Variants in LHFPL6 observed in about 807,000 individuals in gnomAD.
LHFPL6 encodes the protein LHFPL tetraspan subfamily member 6 protein.
In LHFPL6, 9 loss-of-function variants were observed where a neutral mutation model predicts 20.6. The ratio of observed to expected loss-of-function variants is 0.44; its 90% CI spans 0.26 to 0.76. LHFPL6 has a LOEUF of 0.76. Ranked by LOEUF, LHFPL6 falls within the 30% of genes least tolerant of loss-of-function variation. The probability of loss-of-function intolerance (pLI) is 0.20; values close to 1 mark genes in which losing one functional copy is unlikely to be tolerated. For missense variants in LHFPL6, 218 were observed against 253.5 expected (o/e 0.86, Z 0.95); for synonymous variants, 105 against 98.7 (o/e 1.06, Z -0.38).
At chr13:39,379,003 A>G (rs1274181623) in intron 2 of LHFPL6, among the ~76,000 whole-genome samples, 3 of 152,164 alleles carry the variant, frequency 2.0e-5, no homozygotes, top group African/African-American at 7.2e-5. Flanking sequence ...AAAGAGTTTC[A>G]TGAATGGCCT....
chr13:39,452,812 C>T (rs1872485452), intron 2 of LHFPL6, among the ~76,000 whole-genome samples: 1 of 152,252 alleles, frequency 6.6e-6, no homozygotes, highest in Non-Finnish European at 1.5e-5. Context: ...GGGACAGCCA[C>T]TCCATTTAAA....
intron 2 of LHFPL6, among the ~76,000 whole-genome samples, chr13:39,419,690 T>G (rs1871431919): frequency 6.6e-6 from 1 of 152,184 alleles, no homozygotes; most frequent in Admixed American, 6.5e-5. Flanking sequence ...TGAAGAAATT[T>G]TTTTAAAAAA....
At chr13:39,439,186 A>G (rs1250294285) in intron 2 of LHFPL6, among the ~76,000 whole-genome samples, 1 of 152,222 alleles carries the variant, frequency 6.6e-6, no homozygotes, top group Non-Finnish European at 1.5e-5. Context: ...CACCCATTGC[A>G]CCAGTGTGCC....
intron 2 of LHFPL6, among the ~76,000 whole-genome samples, chr13:39,463,906 T>A (rs1238011947): frequency 6.6e-6 from 1 of 152,176 alleles, no homozygotes; most frequent in Non-Finnish European, 1.5e-5. Flanking sequence ...TTTCTAGATA[T>A]GCAAATTGAG....
chr13:39,494,331 C>A (rs1304102208), intron 2 of LHFPL6, among the ~76,000 whole-genome samples: 1 of 152,198 alleles, frequency 6.6e-6, no homozygotes, highest in Admixed American at 6.5e-5. Flanking sequence ...CCATTCATTT[C>A]CCCTGTGGTA....
At chr13:39,437,559 T>C (rs1871996092) in intron 2 of LHFPL6, among the ~76,000 whole-genome samples, 1 of 152,180 alleles carries the variant, frequency 6.6e-6, no homozygotes, top group African/African-American at 2.4e-5. Flanking sequence ...ACCAATGAAA[T>C]ATTTTTTCTT....
At chr13:39,462,211 C>T (rs1009023106) in intron 2 of LHFPL6, among the ~76,000 whole-genome samples, 1 of 152,186 alleles carries the variant, frequency 6.6e-6, no homozygotes, top group African/African-American at 2.4e-5. Flanking sequence ...GATGACACTG[C>T]TAACACCACC....
intron 2 of LHFPL6, among the ~76,000 whole-genome samples, chr13:39,396,667 C>A (rs1370762480): frequency 6.6e-6 from 1 of 152,066 alleles, no homozygotes; most frequent in Non-Finnish European, 1.5e-5. Context: ...GTGGTGTGTG[C>A]CTGTGGTCCC....
intron 2 of LHFPL6, among the ~76,000 whole-genome samples, chr13:39,550,440 T>A (rs1307387038): frequency 6.6e-6 from 1 of 152,164 alleles, no homozygotes; most frequent in Admixed American, 6.5e-5. Context: ...AATATCTGTA[T>A]ACACATTTTC....
At chr13:39,499,724 C>T (rs555182748) in intron 2 of LHFPL6, among the ~76,000 whole-genome samples, 63 of 152,214 alleles carry the variant, frequency 4.1e-4, no homozygotes, top group Non-Finnish European at 7.1e-4. Context: ...AAGGAGCTGG[C>T]ACAGAGATGG....
At chr13:39,426,331 C>T (rs931764750) in intron 2 of LHFPL6, among the ~76,000 whole-genome samples, 3 of 151,992 alleles carry the variant, frequency 2.0e-5, no homozygotes, top group Admixed American at 6.6e-5. Flanking sequence ...AGCGATTCTC[C>T]TGCCTCAGCC....
chr13:39,565,780 C>G (rs1180786526), intron 2 of LHFPL6, among the ~76,000 whole-genome samples: 1 of 152,196 alleles, frequency 6.6e-6, no homozygotes, highest in African/African-American at 2.4e-5. Context: ...CTGAAGCAAG[C>G]AAATTCCAGT....
At chr13:39,553,642 T>C (rs1871210628) in intron 2 of LHFPL6, among the ~76,000 whole-genome samples, 1 of 152,154 alleles carries the variant, frequency 6.6e-6, no homozygotes, top group Admixed American at 6.5e-5. Context: ...AGCCCAGCAG[T>C]GTGAGGCTGC....
intron 2 of LHFPL6, among the ~76,000 whole-genome samples, chr13:39,552,505 T>C (rs1871169627): frequency 6.6e-6 from 1 of 152,192 alleles, no homozygotes; most frequent in Non-Finnish European, 1.5e-5. Context: ...TAATTAATAA[T>C]AATTGCTTCC....
At chr13:39,366,695 C>G (rs1870021711) in intron 3 of LHFPL6, among the ~76,000 whole-genome samples, 1 of 152,208 alleles carries the variant, frequency 6.6e-6, no homozygotes. Context: ...ACTCACAGCA[C>G]AGCAGGCAGC....
chr13:39,490,952 A>G (rs1488195926), intron 2 of LHFPL6, among the ~76,000 whole-genome samples: 5 of 152,184 alleles, frequency 3.3e-5, no homozygotes, highest in Non-Finnish European at 7.3e-5. Context: ...GCAACAGATG[A>G]CCAACTCAAA....
chr13:39,419,911 T>C (rs919830446), intron 2 of LHFPL6, among the ~76,000 whole-genome samples: 8 of 152,224 alleles, frequency 5.3e-5, no homozygotes, highest in Non-Finnish European at 8.8e-5. Flanking sequence ...CTTAATAAGA[T>C]ACATATTTCT....
At chr13:39,378,584 G>A (rs1374957945) in intron 2 of LHFPL6, 58 bp from the exon 3 acceptor site, 4 of 1,304,396 alleles carry the variant, frequency 3.1e-6, no homozygotes, top group Non-Finnish European at 4.4e-6. Flanking sequence ...ACTAGATAAA[G>A]GTGGTGGGAT....
chr13:39,523,574 T>C (rs1325288126), intron 2 of LHFPL6, among the ~76,000 whole-genome samples: 6 of 149,022 alleles, frequency 4.0e-5, no homozygotes, highest in Non-Finnish European at 7.4e-5. Context: ...AAAATGGTAG[T>C]GTAGGCTTAA....
Sources: allele counts gnomAD v4.1 joint callset (sites outside exome capture counted in the v4.1 genomes callset), GRCh38; gene constraint gnomAD v4.1.1; transcripts MANE v1.5; gene names NCBI Gene and HGNC (gene_info 2026-07-23, HGNC 2026-07-21).